The following MTUS2 variants were observed in gnomAD, a reference collection of about 807,000 sequenced individuals.
MTUS2 encodes microtubule associated scaffold protein 2.
In MTUS2, 40 loss-of-function variants were observed where a neutral mutation model predicts 114.1. The observed-to-expected ratio is 0.35, with a 90% CI of 0.27 to 0.46. The LOEUF (loss-of-function observed/expected upper bound fraction) is 0.46, where lower values mean the gene tolerates loss of function less well. MTUS2 is among the 20% of genes least tolerant of loss of function. The pLI is 1.00. For synonymous variants in MTUS2, 688 were observed against 672.0 expected, an observed-to-expected ratio of 1.02 and a Z score of -0.37; for missense variants, 1,679 against 1,705.4, an observed-to-expected ratio of 0.98 and a Z score of 0.27.
intron 2 of MTUS2, among the ~76,000 whole-genome samples, chr13:28,918,603 G>A (rs1880876082): frequency 6.6e-6 from 1 of 151,796 alleles, no homozygotes; most frequent in Non-Finnish European, 1.5e-5. Flanking sequence ...ACAGATAATT[G>A]ATTCTTATTT....
chr13:29,414,272 A>G (rs1383466279), intron 8 of MTUS2, among the ~76,000 whole-genome samples: 1 of 85,858 alleles, frequency 1.2e-5, no homozygotes, highest in African/African-American at 4.6e-5. Flanking sequence ...ACATGGACAC[A>G]GGAAGGGGAA....
At chr13:29,268,352 G>T (rs1331111325) in intron 5 of MTUS2, among the ~76,000 whole-genome samples, 1 of 152,200 alleles carries the variant, frequency 6.6e-6, no homozygotes, top group Non-Finnish European at 1.5e-5. Context: ...TTTTAGGAGG[G>T]AGTCAAGGGA....
intron 7 of MTUS2, among the ~76,000 whole-genome samples, chr13:29,352,281 G>A (rs1158954280): frequency 2.0e-5 from 3 of 152,220 alleles, no homozygotes; most frequent in African/African-American, 7.2e-5. Flanking sequence ...GAGTGATGAT[G>A]CATGTAAAGC....
At chr13:29,055,280 A>G (rs1204636612) in intron 4 of MTUS2, among the ~76,000 whole-genome samples, 1 of 152,114 alleles carries the variant, frequency 6.6e-6, no homozygotes, top group Non-Finnish European at 1.5e-5. Flanking sequence ...TCATTATGAA[A>G]TATGCATCTT....
intron 9 of MTUS2, among the ~76,000 whole-genome samples, chr13:29,467,143 T>TGA (rs1202743352): frequency 6.6e-6 from 1 of 152,090 alleles, no homozygotes; most frequent in Non-Finnish European, 1.5e-5. Context: ...GCTTATTAAA[T>TGA]GATTGGGTCA....
chr13:29,079,826 A>G (rs900870976), intron 4 of MTUS2, among the ~76,000 whole-genome samples: 1 of 152,186 alleles, frequency 6.6e-6, no homozygotes, highest in Non-Finnish European at 1.5e-5. Flanking sequence ...ATGGGGGAGT[A>G]TGAGCCCTCC....
chr13:29,442,739 T>C (rs1325254463), intron 9 of MTUS2, among the ~76,000 whole-genome samples: 3 of 152,218 alleles, frequency 2.0e-5, no homozygotes, highest in African/African-American at 4.8e-5. Flanking sequence ...GCACACAGTT[T>C]GCAAACCACA....
At chr13:28,925,074 A>G (rs1241233661) in intron 2 of MTUS2, among the ~76,000 whole-genome samples, 2 of 152,148 alleles carry the variant, frequency 1.3e-5, no homozygotes, top group African/African-American at 4.8e-5. Context: ...TGCTAAGAGG[A>G]CAGTGAGATG....
chr13:29,345,402 C>T (rs111519554), intron 7 of MTUS2, among the ~76,000 whole-genome samples: 11,481 of 151,640 alleles, frequency 0.076, 1,466 homozygotes, highest in African/African-American at 0.26. Context: ...ATTCAAAAGC[C>T]TTGCCTTCGA....
chr13:29,166,925 GT>G (rs1240749206), intron 5 of MTUS2, among the ~76,000 whole-genome samples: 2 of 152,176 alleles, frequency 1.3e-5, no homozygotes. Context: ...TACTCATTCA[GT>G]TTTTCCAATA....
At chr13:28,843,104 C>G (rs1455137064) in intron 2 of MTUS2, among the ~76,000 whole-genome samples, 3 of 152,110 alleles carry the variant, frequency 2.0e-5, no homozygotes, top group African/African-American at 7.2e-5. Context: ...TGTCTCATCC[C>G]CCAGAGCTGC....
chr13:29,281,569 T>G (rs1898270303), intron 5 of MTUS2, 135 bp from the exon 6 acceptor site: 10 of 939,134 alleles, frequency 1.1e-5, no homozygotes, highest in Non-Finnish European at 1.6e-5. Context: ...AAAATACTTT[T>G]CAAGGTCACT....
Position 29,100,934 on chromosome 13 carries a change from G to C in MTUS2, c.2608G>C (p.Asp870His). The change falls in exon 5 of 16, where the codon GAC (aspartate) becomes CAC (histidine). Residue 870 changes from aspartate (D) to histidine (H), a missense_variant. Physicochemically the swap from Asp to His is moderately conservative, Grantham distance 81. This residue lies in a region of MTUS2 where 822 missense variants were observed against 899.7 expected (regional missense o/e 0.91). Transcript: ENST00000612955. ...CTCAGTCTCCAGCACCCAGTCCGGG[G>C]ACAGTGCACAGCCAGAGCAGGGCCG... ...VSSVSSTQSG[D>H]SAQPEQGRPA... The C allele has an allele frequency of 6.3e-7, 1 of 1,577,018 alleles. No homozygotes were observed. The highest frequency in any genetic ancestry group is 8.6e-7 in the Non-Finnish European group (1 of 1,161,012).
chr13:29,501,339 C>G (rs1056939641), intron 15 of MTUS2, 145 bp downstream of exon 15: 4 of 642,838 alleles, frequency 6.2e-6, no homozygotes, highest in Admixed American at 5.7e-5. Flanking sequence ...CAAGAACAAA[C>G]CCCTGCGGCC....
chr13:29,002,457 G>T (rs1277972654), intron 2 of MTUS2, among the ~76,000 whole-genome samples: 2 of 152,140 alleles, frequency 1.3e-5, no homozygotes, highest in East Asian at 1.9e-4. Flanking sequence ...TACAGAATTT[G>T]ATTATCTATT....
chr13:29,200,521 G>GGTTTTTTTTTTTTTTTTTTT (rs1309388936), intron 5 of MTUS2, among the ~76,000 whole-genome samples: 1 of 85,432 alleles, frequency 1.2e-5, no homozygotes, highest in African/African-American at 5.0e-5. Context: ...TTCTTTTTCT[G>GGTTTTTTTTTTTTTTTTTTT]TTTTTTTTTT....
At chr13:28,964,170 C>A (rs1478443166) in intron 2 of MTUS2, among the ~76,000 whole-genome samples, 1 of 152,140 alleles carries the variant, frequency 6.6e-6, no homozygotes, top group African/African-American at 2.4e-5. Flanking sequence ...AGTAGTTTTC[C>A]TAATTCTTTC....
intron 5 of MTUS2, among the ~76,000 whole-genome samples, chr13:29,213,393 A>C (rs1337326001): frequency 6.6e-6 from 1 of 152,176 alleles, no homozygotes; most frequent in East Asian, 1.9e-4. Context: ...CTATACCCTT[A>C]CTGATTTTCT....
chr13:29,499,455 C>G (rs1482654365), intron 14 of MTUS2, among the ~76,000 whole-genome samples: 1 of 152,170 alleles, frequency 6.6e-6, no homozygotes, highest in African/African-American at 2.4e-5. Context: ...TAAAAATAAA[C>G]TTTTGATACT....
Sources: allele counts gnomAD v4.1 joint callset (sites outside exome capture counted in the v4.1 genomes callset), GRCh38; gene constraint gnomAD v4.1.1; regional missense constraint gnomAD v4.1.1; transcripts MANE v1.5; gene names NCBI Gene and HGNC (gene_info 2026-07-23, HGNC 2026-07-21).